Variants in VANGL2 observed in about 807,000 individuals in gnomAD.
The protein encoded by VANGL2 is VANGL planar cell polarity protein 2.
A neutral mutation model predicts 50.2 loss-of-function variants in VANGL2; 14 were observed. That is an observed-to-expected ratio of 0.28 (90% CI 0.18 to 0.44). VANGL2 has a LOEUF of 0.44. Ranked by LOEUF, VANGL2 falls within the 20% of genes least tolerant of loss-of-function variation. The pLI is 1.00. For synonymous variants in VANGL2, 295 were observed against 297.2 expected (o/e 0.99, Z 0.08); for missense variants, 533 against 701.5 (o/e 0.76, Z 2.71).
In VANGL2 at chr1:160,419,520, G is replaced by A; in HGVS notation, c.711G>A (p.Leu237=). 1 of 1,601,950 alleles carries A rather than the reference G, an allele frequency of 6.2e-7. No homozygotes were observed. Among genetic ancestry groups the A allele is most frequent in the Non-Finnish European group, 8.5e-7 (1 of 1,179,722 alleles). Residue 237 remains leucine, a synonymous_variant, in exon 4 of 8, where the codon CTG becomes CTA. Transcript: ENST00000368061. The surrounding 1 kb of genome is among the most constrained non-coding windows in gnomAD (Gnocchi z 5.8). ...LFVHYLAVVL[L]ELRQLQPQFT... ...TGCACTACCTGGCCGTGGTCCTGCT[G>A]GAGCTGCGCCAGCTCCAGCCTCAGT...
At chr1:160,418,067 A>G in intron 3 of VANGL2, among the ~76,000 whole-genome samples, 1 of 152,006 alleles carries the variant, frequency 6.6e-6, no homozygotes, top group Non-Finnish European at 1.5e-5. Context: ...ATGTGCCACC[A>G]CACCCAGCTA....
Position 160,427,183 on chromosome 1 carries a change from T to C in VANGL2, c.*1805T>C, listed in dbSNP as rs1194963508. ...TGTTCTGGGGGTCTGTCTCTTTTCT[T>C]CTCTTCAAAAACTTTGTGTCAGAGA... On this transcript the variant is annotated 3_prime_UTR_variant, in exon 8 of 8. Transcript: ENST00000368061. 2 of 152,682 alleles carry C rather than the reference T, an allele frequency of 1.3e-5. No homozygotes were observed. The highest frequency in any genetic ancestry group is 2.9e-5 in the Non-Finnish European group (2 of 68,094). 9.5% of individuals were successfully genotyped at this position (152,682 alleles called of 1,614,324 possible).
rs777157722 is a variant in VANGL2 at position 160,419,280 on chromosome 1, C to T, written c.471C>T (p.Leu157=). 8 of 1,607,914 alleles carry T rather than the reference C, an allele frequency of 5.0e-6. No individual in the cohort carries two copies. In the South Asian group the frequency reaches 8.8e-5, roughly 18 times the overall value. Residue 157 remains leucine (L), a synonymous_variant, in exon 4 of 8, where the codon CTC becomes CTT. Coordinates refer to ENST00000368061, the MANE Select transcript of VANGL2 (RefSeq NM_020335.3). The surrounding 1 kb of genome is among the most constrained non-coding windows in gnomAD (Gnocchi z 5.8). ...TCATCTCTGTCGCCTTCAAGCTGCT[C>T]ATCCTGCTACTGGGCAGCTGGGCTC... The part of the protein sequence containing the change: ...GLFISVAFKL[L]ILLLGSWALF...
At chr1:160,421,594 C>T (rs1006228429) in intron 6 of VANGL2, among the ~76,000 whole-genome samples, 1 of 152,174 alleles carries the variant, frequency 6.6e-6, no homozygotes, top group African/African-American at 2.4e-5. Flanking sequence ...ACCTCTGCCA[C>T]CAGCTGGAGA....
intron 1 of VANGL2, among the ~76,000 whole-genome samples, chr1:160,410,678 AC>A (rs1557906698): frequency 1.7e-5 from 2 of 116,424 alleles, no homozygotes; most frequent in Non-Finnish European, 3.4e-5. Context: ...CCCCTTATAC[AC>A]ACACACACAC....
At chr1:160,409,588 C>G (rs76843041) in intron 1 of VANGL2, among the ~76,000 whole-genome samples, 12 of 152,338 alleles carry the variant, frequency 7.9e-5, no homozygotes, top group South Asian at 2.1e-4. Context: ...TTCAGCCCCC[C>G]ACCAGGGCCT....
rs1410274983 is a variant in VANGL2 at position 160,420,433 on chromosome 1, A to G, written c.823A>G (p.Ile275Val). The change falls in exon 5 of 8, where the codon ATC becomes GTC. Residue 275 changes from isoleucine (I) to valine (V), a missense_variant. Ile to Val is a conservative substitution (Grantham distance 29). Transcript: ENST00000368061. ...HLSIQRVAVWILEKYYHDFPV... is the reference protein window; with the variant it reads ...HLSIQRVAVWVLEKYYHDFPV... The stretch of plus-strand genomic sequence containing the variant: ...CAGCATCCAGCGCGTGGCAGTGTGG[A>G]TCCTGGAGAAGTATTACCATGACTT... 6.2e-7 allele frequency: 1 copy of G among 1,613,442 alleles called. No individual in the cohort carries two copies. The highest frequency in any genetic ancestry group is 1.3e-5 in the African/African-American group (1 of 74,746).
rs1651443071 is a variant in VANGL2, at chr1:160,426,058, A to G, written c.*680A>G. ...TTTTGGTTTGTATGGTCACGTGACC[A>G]TAGGCAACCACGTGGAAACCCTCTG... On this transcript the variant is annotated 3_prime_UTR_variant, in exon 8 of 8. Transcript: ENST00000368061. 6.6e-6 allele frequency: 1 copy of G among 152,348 alleles called. No individual in the cohort carries two copies. The highest frequency in any genetic ancestry group is 1.5e-5 in the Non-Finnish European group (1 of 68,038). 9.4% of individuals were successfully genotyped at this position (152,348 alleles called of 1,614,324 possible).
rs1035793408 is a variant in VANGL2 at position 160,415,683 on chromosome 1, C to T, written c.-155C>T. The stretch of plus-strand genomic sequence containing the variant: ...GGATTTTCTCTGAGACAAGCCCACC[C>T]GTCCAGCAAAATAGAGTCCCTCAGG... On this transcript the variant is annotated 5_prime_UTR_variant, in exon 2 of 8. Transcript: ENST00000368061. The T allele has an allele frequency of 6.4e-5, 54 of 845,458 alleles. No homozygotes were observed. Among genetic ancestry groups the T allele is most frequent in the Non-Finnish European group, 9.6e-5 (51 of 533,452 alleles). 52.4% of individuals were successfully genotyped at this position (845,458 alleles called of 1,614,324 possible).
At chr1:160,410,404 C>A (rs896371779) in intron 1 of VANGL2, among the ~76,000 whole-genome samples, 1 of 152,158 alleles carries the variant, frequency 6.6e-6, no homozygotes, top group Non-Finnish European at 1.5e-5. Flanking sequence ...TTTCTCCCAG[C>A]CCCGTCTGCA....
chr1:160,416,237 G>A lies in VANGL2; in HGVS notation c.192+55G>A. 4 of 1,612,564 alleles carry A rather than the reference G, an allele frequency of 2.5e-6. No individual in the cohort carries two copies. The South Asian group carries it at 3.3e-5, about 13-fold the overall frequency. ...CGGGCATTTTCAGACTGCTCCTGAG[G>A]GGCTGGAGGCTCCACGGAGTGGGGG... On this transcript the variant is annotated intron_variant, in intron 3 of 7. Transcript: ENST00000368061.
intron 1 of VANGL2, among the ~76,000 whole-genome samples, chr1:160,405,728 G>A (rs537201741): frequency 6.6e-6 from 1 of 152,284 alleles, no homozygotes; most frequent in South Asian, 2.1e-4. Flanking sequence ...GCCTAGAGGA[G>A]AGTGGGAGGT....
In VANGL2 at chr1:160,425,686, G is replaced by C; in HGVS notation, c.*308G>C. 2 of 314,504 alleles carry C rather than the reference G, an allele frequency of 6.4e-6. No individual in the cohort carries two copies. Among genetic ancestry groups the C allele is most frequent in the Non-Finnish European group, 1.2e-5 (2 of 169,298 alleles). 19.5% of individuals were successfully genotyped at this position (314,504 alleles called of 1,614,324 possible). ...CTCTTCTTTCCCTAGTCTTTTCCCA[G>C]ATTACAGTCTCTCCTGAAAGGGCAC... On this transcript the variant is annotated 3_prime_UTR_variant, in exon 8 of 8. Transcript: ENST00000368061.
At position 160,415,885 on chromosome 1, in the gene VANGL2, C is replaced by T; in HGVS notation, c.48C>T (p.His16=). 1.2e-6 allele frequency: 2 copies of T among 1,614,158 alleles called. No homozygotes were observed. Among genetic ancestry groups the T allele is most frequent in the African/African-American group, 1.3e-5 (1 of 75,066 alleles). ...CGGGCTATTCCTACAAGTCGGGCCA[C>T]TCCCGCAGCTCCCGCAAGCACAGGT... ...QYSGYSYKSG[H]SRSSRKHRDR... Residue 16 remains histidine, a synonymous_variant, in exon 2 of 8, where the codon CAC becomes CAT. Transcript: ENST00000368061.
chr1:160,408,831 A>T lies in VANGL2; in HGVS notation c.-190-6817A>T, dbSNP rs1424917017. Among the ~76,000 whole-genome samples, 9 of 152,274 alleles carry T rather than the reference A, an allele frequency of 5.9e-5. No homozygotes were observed. In the East Asian group the frequency reaches 1.7e-3, roughly 29 times the overall value. On this transcript the variant is annotated intron_variant, in intron 1 of 7. Transcript: ENST00000368061. ...TTTTCAGGGTTTAGGAATGAGGGTC[A>T]GGGCAAAATCTTCATCCTATTTTTG...
At chr1:160,420,633 G>T in intron 5 of VANGL2, 86 bp downstream of exon 5, 1 of 1,601,262 alleles carries the variant, frequency 6.2e-7, no homozygotes, top group Non-Finnish European at 8.5e-7. Context: ...TTTGTCCCTT[G>T]CTTTTTCCTT....
At chr1:160,405,380 A>C (rs539130955) in intron 1 of VANGL2, among the ~76,000 whole-genome samples, 78 of 152,012 alleles carry the variant, frequency 5.1e-4, no homozygotes, top group Non-Finnish European at 1.1e-3. Flanking sequence ...TCTCTGTTGT[A>C]GTCTGGATAG....
chr1:160,419,718 A>C lies in VANGL2; in HGVS notation c.800+109A>C. ...GGTGGGCTGGAGGTGATGGGCTTGG[A>C]GGGTTGTGTGGGAGGGAGTTGAGTA... On this transcript the variant is annotated intron_variant, in intron 4 of 7. Coordinates refer to ENST00000368061, the MANE Select transcript of VANGL2 (RefSeq NM_020335.3). The surrounding 1 kb of genome is among the most constrained non-coding windows in gnomAD (Gnocchi z 5.8). 1.4e-6 allele frequency: 2 copies of C among 1,468,342 alleles called. No homozygotes were observed. The highest frequency in any genetic ancestry group is 2.8e-5 in the African/African-American group (2 of 70,928). The allele number at this position is 1,468,342 out of a possible 1,614,324, so 91.0% of individuals were successfully genotyped here.
Position 160,419,738 on chromosome 1 carries a change from T to C in VANGL2, c.800+129T>C, listed in dbSNP as rs762096356. 25 of 1,374,040 alleles carry C rather than the reference T, an allele frequency of 1.8e-5. No homozygotes were observed. The highest frequency in any genetic ancestry group is 2.6e-4 in the Middle Eastern group (1 of 3,844). The allele number at this position is 1,374,040 out of a possible 1,614,324, so 85.1% of individuals were successfully genotyped here. A position where few individuals can be genotyped will look rare whatever the true frequency, so the allele number is the denominator to read the frequency against. On this transcript the variant is annotated intron_variant, in intron 4 of 7. Transcript: ENST00000368061. This position sits in a 1 kb window ranked among gnomAD's most constrained non-coding sequence, Gnocchi z 5.8. ...CTTGGAGGGTTGTGTGGGAGGGAGTTGAGTACTTTGCACCAAGTAGGTTTT... is the reference window on the plus strand; with the variant it reads ...CTTGGAGGGTTGTGTGGGAGGGAGTCGAGTACTTTGCACCAAGTAGGTTTT...
Sources: allele counts gnomAD v4.1 joint callset (sites outside exome capture counted in the v4.1 genomes callset), GRCh38; gene constraint gnomAD v4.1.1; non-coding constraint Gnocchi (gnomAD v3.1); transcripts MANE v1.5; gene names NCBI Gene and HGNC (gene_info 2026-07-23, HGNC 2026-07-21).